Variants in CSMD1 observed in about 807,000 individuals in gnomAD.
CSMD1 encodes CUB and sushi domain-containing protein 1.
A neutral mutation model predicts 417.5 loss-of-function variants in CSMD1; 213 were observed. The ratio of observed to expected loss-of-function variants is 0.51; its 90% CI spans 0.46 to 0.57. CSMD1 has a LOEUF of 0.57. Ranked by LOEUF, CSMD1 falls within the 20% of genes least tolerant of loss-of-function variation. CSMD1 has a pLI of 0.00. For synonymous variants in CSMD1, 2,862 were observed against 1,736.8 expected (o/e 1.65, Z -16.11); for missense variants, 6,923 against 4,529.7 (o/e 1.53, Z -15.17).
At chr8:3,297,153 ACAT>A (rs1804031383) in intron 25 of CSMD1, among the ~76,000 whole-genome samples, 1 of 152,324 alleles carries the variant, frequency 6.6e-6, no homozygotes, top group Non-Finnish European at 1.5e-5. Context: ...AAACTGCAAA[ACAT>A]CATTGAGACA....
intron 1 of CSMD1, among the ~76,000 whole-genome samples, chr8:4,818,962 G>T (rs538779912): frequency 6.6e-6 from 1 of 152,190 alleles, no homozygotes; most frequent in South Asian, 2.1e-4. Flanking sequence ...TATTAAAACT[G>T]TGACTTGATT....
Position 4,050,228 on chromosome 8 carries a change from T to C in CSMD1, c.416-18129A>G, listed in dbSNP as rs1000610115. 2.6e-5 allele frequency among the ~76,000 whole-genome samples: 4 copies of C among 152,126 alleles called. 1 individual carries two copies. The highest frequency in any genetic ancestry group is 2.0e-4 in the Admixed American group (3 of 15,274). ...GGCTAGGGTCGTGTTTGTCAGTTTCTCCACTATAAACTTCTGTATTTTTAC... is the reference window on the plus strand; with the variant it reads ...GGCTAGGGTCGTGTTTGTCAGTTTCCCCACTATAAACTTCTGTATTTTTAC... On this transcript the variant is annotated intron_variant, in intron 3 of 69. Transcript: ENST00000635120.
chr8:4,511,968 C>G (rs944292418), intron 2 of CSMD1, among the ~76,000 whole-genome samples: 1 of 152,118 alleles, frequency 6.6e-6, no homozygotes, highest in African/African-American at 2.4e-5. Flanking sequence ...AACATCAACA[C>G]CAGACAGAGG....
intron 15 of CSMD1, among the ~76,000 whole-genome samples, chr8:3,400,223 T>C (rs1811955784): frequency 6.6e-6 from 1 of 152,164 alleles, no homozygotes; most frequent in South Asian, 2.1e-4. Context: ...ATACCAATAT[T>C]TCATACCGTA....
chr8:3,079,992 T>G (rs915764955), intron 49 of CSMD1, among the ~76,000 whole-genome samples: 1 of 152,222 alleles, frequency 6.6e-6, no homozygotes, highest in Non-Finnish European at 1.5e-5. Context: ...AGGCCTGACT[T>G]TAAAAACAGA....
At chr8:4,537,654 T>C (rs1563267169) in intron 2 of CSMD1, among the ~76,000 whole-genome samples, 1 of 152,182 alleles carries the variant, frequency 6.6e-6, no homozygotes, top group South Asian at 2.1e-4. Flanking sequence ...AGCATTGATT[T>C]GCATTACTTT....
chr8:3,405,889 C>T, intron 15 of CSMD1, 138 bp downstream of exon 15: 1 of 749,750 alleles, frequency 1.3e-6, no homozygotes, highest in East Asian at 2.7e-5. Flanking sequence ...ACTGTACACT[C>T]CTGTTGGTTA....
chr8:4,248,194 A>C (rs1802826873), intron 3 of CSMD1, among the ~76,000 whole-genome samples: 1 of 152,186 alleles, frequency 6.6e-6, no homozygotes, highest in South Asian at 2.1e-4. Context: ...AAATTTCATG[A>C]CATGACATGA....
At chr8:3,370,338 G>A (rs926003900) in intron 18 of CSMD1, among the ~76,000 whole-genome samples, 3 of 152,180 alleles carry the variant, frequency 2.0e-5, no homozygotes, top group Non-Finnish European at 4.4e-5. Flanking sequence ...GGCAGGAAAG[G>A]CAACTGCCGT....
In CSMD1 at chr8:3,262,184, A is replaced by AAAATATATAT. The variant is rs1420684024; in HGVS notation, c.4153+21959_4153+21960insATATATATTT. 9.8e-4 allele frequency among the ~76,000 whole-genome samples: 62 copies of AAAATATATAT among 63,156 alleles called. 2 individuals carry two copies. Among genetic ancestry groups the AAAATATATAT allele is most frequent in the East Asian group, 1.2e-3 (2 of 1,684 alleles). 41.4% of individuals were successfully genotyped at this position (63,156 alleles called of 152,430 possible). On this transcript the variant is annotated intron_variant, in intron 26 of 69. Transcript: ENST00000635120. Reference sequence around the variant, plus strand: ...TTATTTCTAAAATTATGCTCATATGAATATATATATATATATATATATATA... The same window carrying AAAATATATAT: ...TTATTTCTAAAATTATGCTCATATGAAAATATATATATATATATATATATATATATATATA...
At chr8:3,824,724 G>A (rs780391388) in intron 5 of CSMD1, among the ~76,000 whole-genome samples, 15 of 151,874 alleles carry the variant, frequency 9.9e-5, no homozygotes, top group Non-Finnish European at 1.8e-4. Context: ...TTTTAATTTG[G>A]CTACTAGAGA....
At chr8:4,562,739 T>C (rs931650823) in intron 2 of CSMD1, among the ~76,000 whole-genome samples, 2 of 152,088 alleles carry the variant, frequency 1.3e-5, no homozygotes, top group African/African-American at 4.8e-5. Flanking sequence ...TTCAGACAGA[T>C]GCATGCTGGT....
intron 7 of CSMD1, among the ~76,000 whole-genome samples, chr8:3,674,107 A>G (rs779042641): frequency 1.3e-5 from 2 of 148,766 alleles, no homozygotes; most frequent in Admixed American, 1.3e-4. Context: ...CTCCCTCTCA[A>G]AAGACAAAAA....
intron 46 of CSMD1, among the ~76,000 whole-genome samples, chr8:3,099,577 G>C (rs74512053): frequency 0.014 from 2,144 of 152,274 alleles, 48 homozygotes; most frequent in African/African-American, 0.049. Context: ...TATGAGGACT[G>C]AGATTTTATA....
chr8:4,151,406 T>G (rs561268455), intron 3 of CSMD1, among the ~76,000 whole-genome samples: 3 of 152,312 alleles, frequency 2.0e-5, no homozygotes, highest in African/African-American at 4.8e-5. Context: ...AAAATACTCT[T>G]TAAAAATATA....
chr8:3,826,427 G>A (rs1247413740), intron 5 of CSMD1, among the ~76,000 whole-genome samples: 10 of 152,280 alleles, frequency 6.6e-5, no homozygotes, highest in African/African-American at 2.2e-4. Context: ...TAGGGAGACC[G>A]CTCTTCTGGG....
At chr8:3,305,677 A>T (rs186118185) in intron 25 of CSMD1, among the ~76,000 whole-genome samples, 3 of 152,188 alleles carry the variant, frequency 2.0e-5, no homozygotes, top group Admixed American at 1.3e-4. Flanking sequence ...TTAACTTACT[A>T]AGTCTGTAAT....
intron 3 of CSMD1, among the ~76,000 whole-genome samples, chr8:4,252,113 G>A (rs748737454): frequency 6.6e-6 from 1 of 152,174 alleles, no homozygotes; most frequent in Admixed American, 6.5e-5. Flanking sequence ...AGGTGGTAGA[G>A]AACTACTGAA....
intron 1 of CSMD1, among the ~76,000 whole-genome samples, chr8:4,797,150 C>T (rs1007272422): frequency 2.0e-5 from 3 of 152,118 alleles, no homozygotes; most frequent in Non-Finnish European, 2.9e-5. Flanking sequence ...ATGAGACAAA[C>T]CCAGGCAGCA....
Sources: gnomAD v4.1 joint callset for allele counts (sites outside exome capture counted in the v4.1 genomes callset) on GRCh38, gnomAD v4.1.1 for gene constraint, MANE v1.5 for transcripts, NCBI Gene and HGNC (gene_info 2026-07-23, HGNC 2026-07-21) for gene names.